PRR16: variants seen among roughly 807,000 people sequenced by gnomAD.
PRR16 encodes proline rich 16.
Under a neutral mutation model 18.2 loss-of-function variants are expected in PRR16, and 6 were observed. The ratio of observed to expected loss-of-function variants is 0.33; its 90% CI spans 0.18 to 0.65. The LOEUF (loss-of-function observed/expected upper bound fraction) is 0.65. PRR16 is among the 30% of genes least tolerant of loss of function. The probability of loss-of-function intolerance (pLI) is 0.74; values close to 1 mark genes in which losing one functional copy is unlikely to be tolerated. For missense variants in PRR16, 412 were observed against 376.6 expected, an observed-to-expected ratio of 1.09 and a Z score of -0.78; for synonymous variants, 151 against 147.8, an observed-to-expected ratio of 1.02 and a Z score of -0.16.
chr5:120,700,613 G>A, the PRR16 span, among the ~76,000 whole-genome samples: 1 of 151,960 alleles, frequency 6.6e-6, no homozygotes, highest in Non-Finnish European at 1.5e-5. Context: ...GCTTAAAAGA[G>A]TATTGTCCAA....
intron 1 of PRR16, among the ~76,000 whole-genome samples, chr5:120,615,923 A>C (rs1754496418): frequency 6.6e-6 from 1 of 152,148 alleles, no homozygotes; most frequent in African/African-American, 2.4e-5. Flanking sequence ...TGATGAAGTT[A>C]AACTCCTTGA....
At chr5:120,620,577 T>G (rs1754655743) in intron 1 of PRR16, among the ~76,000 whole-genome samples, 1 of 152,194 alleles carries the variant, frequency 6.6e-6, no homozygotes, top group African/African-American at 2.4e-5. Flanking sequence ...CATTTTGTTA[T>G]TGTTGTTAAA....
chr5:120,558,033 A>G (rs536212807), intron 1 of PRR16, among the ~76,000 whole-genome samples: 4 of 151,946 alleles, frequency 2.6e-5, no homozygotes, highest in South Asian at 4.2e-4. Context: ...GTAGGTGTGT[A>G]TATTTATGGG....
intron 1 of PRR16, among the ~76,000 whole-genome samples, chr5:120,596,083 C>T (rs577017869): frequency 2.5e-4 from 38 of 150,854 alleles, no homozygotes; most frequent in African/African-American, 9.2e-4. Context: ...CTCTGTGTCT[C>T]TTCATCCATC....
At chr5:120,716,917 A>G in the PRR16 span, among the ~76,000 whole-genome samples, 9 of 152,098 alleles carry the variant, frequency 5.9e-5, no homozygotes, top group Non-Finnish European at 8.8e-5. Context: ...TGGTCCTTGA[A>G]TGAATGAGTA....
intron 1 of PRR16, among the ~76,000 whole-genome samples, chr5:120,660,943 T>C (rs1411121276): frequency 6.6e-6 from 1 of 152,130 alleles, no homozygotes. Context: ...TGTTTGTTTT[T>C]AAAGAAATGT....
the PRR16 span, among the ~76,000 whole-genome samples, chr5:120,763,919 C>G: frequency 1.3e-5 from 2 of 152,100 alleles, no homozygotes; most frequent in South Asian, 2.1e-4. Flanking sequence ...TATCCTGAGA[C>G]TTTACTGAAT....
rs771315409 is a variant in PRR16 at position 120,464,448 on chromosome 5, C to T, written c.-39C>T. The stretch of plus-strand genomic sequence containing the variant: ...ACGGGGGCACGCAGCAGCCTCCGCT[C>T]GCCCGCCTGTCCTGACCTGCCTCGC... On this transcript the variant is annotated 5_prime_UTR_variant, in exon 1 of 2. Coordinates refer to ENST00000407149, the MANE Select transcript of PRR16 (RefSeq NM_001300783.2). 2 of 1,531,540 alleles carry T rather than the reference C, an allele frequency of 1.3e-6. No individual in the cohort carries two copies. The highest frequency in any genetic ancestry group is 1.2e-5 in the South Asian group (1 of 83,492). The allele number at this position is 1,531,540 out of a possible 1,614,324, so 94.9% of individuals were successfully genotyped here.
intron 1 of PRR16, among the ~76,000 whole-genome samples, chr5:120,648,293 C>CT (rs974925768): frequency 1.2e-4 from 19 of 152,136 alleles, no homozygotes; most frequent in Admixed American, 5.2e-4. Flanking sequence ...AGTAGCTTCA[C>CT]TTTTTTTACC....
chr5:120,647,088 C>T (rs557741716), intron 1 of PRR16, among the ~76,000 whole-genome samples: 5 of 151,396 alleles, frequency 3.3e-5, no homozygotes, highest in Admixed American at 6.6e-5. Context: ...TAAATGCCTT[C>T]GAAAATTAAG....
At chr5:120,702,365 G>A in the PRR16 span, among the ~76,000 whole-genome samples, 1 of 151,866 alleles carries the variant, frequency 6.6e-6, no homozygotes, top group Non-Finnish European at 1.5e-5. Flanking sequence ...TGGGGTACTT[G>A]CCCCTCCTGT....
chr5:120,759,674 C>A, the PRR16 span, among the ~76,000 whole-genome samples: 1 of 151,886 alleles, frequency 6.6e-6, no homozygotes, highest in Admixed American at 6.6e-5. Flanking sequence ...TTAGTGTATA[C>A]AAATTAAAAA....
At chr5:120,779,426 CAAAA>C in the PRR16 span, among the ~76,000 whole-genome samples, 1 of 148,812 alleles carries the variant, frequency 6.7e-6, no homozygotes, top group Admixed American at 6.6e-5. Context: ...CAAAACAAAA[CAAAA>C]AAACACAACA....
chr5:120,666,358 G>A (rs2150142381), intron 1 of PRR16, among the ~76,000 whole-genome samples: 1 of 152,184 alleles, frequency 6.6e-6, no homozygotes, highest in Non-Finnish European at 1.5e-5. Flanking sequence ...GAGATTTTGG[G>A]CTGAGACAAT....
the PRR16 span, among the ~76,000 whole-genome samples, chr5:120,698,309 T>C: frequency 6.6e-6 from 1 of 151,864 alleles, no homozygotes; most frequent in Non-Finnish European, 1.5e-5. Context: ...TTTGTATGAA[T>C]TGAAAAACTA....
At chr5:120,755,899 G>A in the PRR16 span, among the ~76,000 whole-genome samples, 1 of 152,052 alleles carries the variant, frequency 6.6e-6, no homozygotes, top group Non-Finnish European at 1.5e-5. Context: ...CTCCAGAGTG[G>A]GAGGGGGCTC....
intron 1 of PRR16, among the ~76,000 whole-genome samples, chr5:120,648,545 T>C (rs913367260): frequency 8.5e-5 from 13 of 152,148 alleles, no homozygotes; most frequent in African/African-American, 2.7e-4. Flanking sequence ...TTTCTATTTT[T>C]CTTTCAAGAG....
At chr5:120,777,406 CAT>C in the PRR16 span, among the ~76,000 whole-genome samples, 6 of 151,794 alleles carry the variant, frequency 4.0e-5, no homozygotes, top group East Asian at 1.9e-4. Context: ...GTACTTAAAA[CAT>C]AATTATTTTC....
At chr5:120,776,565 A>C in the PRR16 span, among the ~76,000 whole-genome samples, 2 of 152,130 alleles carry the variant, frequency 1.3e-5, no homozygotes, top group African/African-American at 4.8e-5. Context: ...GCATAGATAA[A>C]TAAGGTTCCA....
Sources: allele counts gnomAD v4.1 joint callset (sites outside exome capture counted in the v4.1 genomes callset), GRCh38; gene constraint gnomAD v4.1.1; transcripts MANE v1.5; gene names NCBI Gene and HGNC (gene_info 2026-07-23, HGNC 2026-07-21).